BIRC6: variants seen among roughly 807,000 people sequenced by gnomAD.
BIRC6 encodes the protein dual E2 ubiquitin-conjugating enzyme/E3 ubiquitin-protein ligase BIRC6.
In BIRC6, 98 loss-of-function variants were observed where a neutral mutation model predicts 503.3. The observed-to-expected ratio is 0.19, with a 90% confidence interval of 0.17 to 0.23. The LOEUF is 0.23. BIRC6 is among the 10% of genes least tolerant of loss of function. The pLI is 1.00. For missense variants in BIRC6, 5,360 were observed against 5,806.0 expected (o/e 0.92, Z 2.50); for synonymous variants, 2,240 against 2,078.7 (o/e 1.08, Z -2.11).
chr2:32,401,696 A>C (rs1573955576), intron 8 of BIRC6, 73 bp downstream of exon 8: 1 of 1,351,922 alleles, frequency 7.4e-7, no homozygotes, highest in Non-Finnish European at 1.0e-6. Flanking sequence ...TCATAGTTCT[A>C]ATAATTAAAG....
intron 60 of BIRC6, among the ~76,000 whole-genome samples, chr2:32,530,547 G>A (rs1466236549): frequency 6.6e-6 from 1 of 152,026 alleles, no homozygotes; most frequent in African/African-American, 2.4e-5. Flanking sequence ...ATCCATTTTT[G>A]AATTGGCTAT....
intron 1 of BIRC6, among the ~76,000 whole-genome samples, chr2:32,372,604 A>G (rs1043290461): frequency 3.5e-4 from 53 of 151,952 alleles, no homozygotes; most frequent in African/African-American, 1.1e-3. Flanking sequence ...GCACTTAGGG[A>G]GGCTGAGGTG....
intron 3 of BIRC6, among the ~76,000 whole-genome samples, chr2:32,380,563 T>C (rs1378589848): frequency 6.6e-6 from 1 of 151,792 alleles, no homozygotes; most frequent in African/African-American, 2.4e-5. Context: ...CCCATCTCTA[T>C]TAAAAATACT....
At chr2:32,580,349 T>C (rs971990932) in intron 66 of BIRC6, among the ~76,000 whole-genome samples, 14 of 152,098 alleles carry the variant, frequency 9.2e-5, no homozygotes, top group Non-Finnish European at 1.8e-4. Context: ...GCCTAAAGGA[T>C]ACATAGGAAT....
intron 65 of BIRC6, chr2:32,565,520 T>A (rs2059476200): frequency 6.6e-6 from 1 of 152,204 alleles, no homozygotes; most frequent in Non-Finnish European, 1.5e-5. Context: ...AAACTATAGT[T>A]ATCCCTATAG....
intron 16 of BIRC6, among the ~76,000 whole-genome samples, chr2:32,439,923 G>A (rs953605154): frequency 1.3e-5 from 2 of 152,132 alleles, no homozygotes; most frequent in African/African-American, 2.4e-5. Context: ...CTTTCCCCCA[G>A]GCTGGAATGC....
chr2:32,422,382 AT>A (rs2043037413), intron 10 of BIRC6, among the ~76,000 whole-genome samples: 1 of 151,876 alleles, frequency 6.6e-6, no homozygotes, highest in Non-Finnish European at 1.5e-5. Context: ...TTGAATAAAT[AT>A]TTTTAGTGTG....
intron 60 of BIRC6, among the ~76,000 whole-genome samples, chr2:32,531,014 T>A (rs1490414060): frequency 6.6e-6 from 1 of 152,244 alleles, no homozygotes; most frequent in African/African-American, 2.4e-5. Flanking sequence ...CGTTAAAGTA[T>A]GCCCTAAAGG....
intron 37 of BIRC6, 57 bp downstream of exon 37, chr2:32,479,674 A>C: frequency 4.3e-6 from 6 of 1,382,958 alleles, no homozygotes; most frequent in Non-Finnish European, 5.9e-6. Flanking sequence ...ATGTTTCAAA[A>C]TAAAGAATGT....
At chr2:32,514,909 TTGAACTA>T in intron 54 of BIRC6, 74 bp from the exon 55 acceptor site, 3 of 1,150,698 alleles carry the variant, frequency 2.6e-6, no homozygotes, top group Non-Finnish European at 3.7e-6. Flanking sequence ...AGAGTATACT[TTGAACTA>T]TAACAGAAAT....
intron 1 of BIRC6, among the ~76,000 whole-genome samples, chr2:32,369,926 T>TTAAAAAAAAAA (rs1160547460): frequency 5.3e-5 from 2 of 37,794 alleles, no homozygotes; most frequent in Admixed American, 3.5e-4. Flanking sequence ...CCCTGTCTCT[T>TTAAAAAAAAAA]AAAAAAAAAA....
chr2:32,589,452 C>A (rs558943644), intron 66 of BIRC6, among the ~76,000 whole-genome samples: 1 of 152,142 alleles, frequency 6.6e-6, no homozygotes, highest in South Asian at 2.1e-4. Context: ...TTATTTTAAC[C>A]CCCATAAGCT....
rs371827388 is a variant in BIRC6 at position 32,476,352 on chromosome 2, C to A, written c.6852+8C>A. The A allele has an allele frequency of 3.7e-5, 58 of 1,561,534 alleles. No homozygotes were observed. Among genetic ancestry groups the A allele is most frequent in the Non-Finnish European group, 4.7e-5 (54 of 1,154,270 alleles). Reference sequence around the variant, plus strand: ...AAGCAGGCCACTTCAAAGGTATGATCTATACTTTTCAATATAGTTATCTCA... The same window carrying A: ...AAGCAGGCCACTTCAAAGGTATGATATATACTTTTCAATATAGTTATCTCA... On this transcript the variant is annotated splice_region_variant and intron_variant, in intron 34 of 73. Transcript: ENST00000421745.
At chr2:32,360,057 C>T (rs994484258) in intron 1 of BIRC6, among the ~76,000 whole-genome samples, 1 of 152,142 alleles carries the variant, frequency 6.6e-6, no homozygotes, top group Non-Finnish European at 1.5e-5. Flanking sequence ...ATGCCAGTAG[C>T]GATCATGGTC....
chr2:32,447,155 T>G (rs1036387082), intron 21 of BIRC6, among the ~76,000 whole-genome samples: 3 of 150,010 alleles, frequency 2.0e-5, no homozygotes, highest in Non-Finnish European at 3.0e-5. Context: ...TCTACCTCTA[T>G]CCACACAGAC....
At chr2:32,495,892 C>G (rs2052400125) in intron 45 of BIRC6, among the ~76,000 whole-genome samples, 1 of 146,764 alleles carries the variant, frequency 6.8e-6, no homozygotes, top group African/African-American at 2.5e-5. Context: ...GGCTGGAGTG[C>G]AGTGGTACGA....
chr2:32,406,534 A>T lies in BIRC6; in HGVS notation c.1454A>T (p.His485Leu). The change falls in exon 9 of 74, where the codon CAT (histidine) becomes CTT (leucine). Residue 485 changes from histidine (H) to leucine (L), a missense_variant. Around this residue, in one of 16 missense-constraint regions of BIRC6, gnomAD observed 700 missense variants for 739.3 expected, o/e 0.95. Transcript: ENST00000421745. ...DLLEDSDSEE[H>L]SRSDSVTGHT... is the part of the protein sequence containing the mutation. ...CTGGAGGATTCAGACAGTGAAGAGC[A>T]TTCCAGATCAGATTCTGTGACAGGT... is the stretch of plus-strand genomic sequence containing the variant. 6.2e-7 allele frequency: 1 copy of T among 1,610,542 alleles called. No individual in the cohort carries two copies. The highest frequency in any genetic ancestry group is 8.5e-7 in the Non-Finnish European group (1 of 1,177,728).
intron 28 of BIRC6, 60 bp downstream of exon 28, chr2:32,468,171 C>G: frequency 1.3e-6 from 2 of 1,497,200 alleles, no homozygotes; most frequent in South Asian, 2.4e-5. Flanking sequence ...TAATGTCTTG[C>G]TTATAATTCT....
At chr2:32,616,610 G>A (rs930232812) in intron 73 of BIRC6, among the ~76,000 whole-genome samples, 4 of 150,608 alleles carry the variant, frequency 2.7e-5, no homozygotes, top group Non-Finnish European at 5.9e-5. Flanking sequence ...TTATTTCTAA[G>A]GTTTATTCTG....
Sources: gnomAD v4.1 joint callset for allele counts (sites outside exome capture counted in the v4.1 genomes callset) on GRCh38, gnomAD v4.1.1 for gene constraint, gnomAD v4.1.1 regional missense constraint, MANE v1.5 for transcripts, NCBI Gene and HGNC (gene_info 2026-07-23, HGNC 2026-07-21) for gene names.